The following BANK1 variants were observed in gnomAD, a reference collection of about 807,000 sequenced individuals.
BANK1 encodes the protein B cell scaffold protein with ankyrin repeats 1, also known as B-cell scaffold protein with ankyrin repeats.
BANK1 carries 95 observed loss-of-function variants against 94.5 expected under a neutral mutation model. The ratio of observed to expected loss-of-function variants is 1.00; its 90% CI spans 0.85 to 1.19. The LOEUF (loss-of-function observed/expected upper bound fraction) is 1.19, where lower values mean the gene tolerates loss of function less well. BANK1 is among the 50% of genes most tolerant of loss of function. The probability of loss-of-function intolerance (pLI) is 0.00; values close to 1 mark genes in which losing one functional copy is unlikely to be tolerated. For synonymous variants in BANK1, 334 were observed against 308.4 expected (o/e 1.08, Z -0.87); for missense variants, 987 against 932.2 (o/e 1.06, Z -0.77).
chr4:101,938,101 TA>T (rs1398037990), intron 7 of BANK1, among the ~76,000 whole-genome samples: 1 of 151,206 alleles, frequency 6.6e-6, no homozygotes, highest in Non-Finnish European at 1.5e-5. Context: ...GGTGGGGGTC[TA>T]GGGGAGGGTT....
At chr4:102,047,967 T>C (rs575981981) in intron 11 of BANK1, among the ~76,000 whole-genome samples, 1 of 152,254 alleles carries the variant, frequency 6.6e-6, no homozygotes, top group African/African-American at 2.4e-5. Context: ...AATTATGCAA[T>C]ATTGTATTGA....
chr4:102,060,193 C>A lies in BANK1; in HGVS notation c.1970-18C>A. The A allele has an allele frequency of 1.3e-6, 2 of 1,543,794 alleles. No individual in the cohort carries two copies. The highest frequency in any genetic ancestry group is 2.5e-5 in the South Asian group (2 of 78,826). ...ACACCTGGACTTTCTGTTAATGCAC[C>A]CTCCCCTTGTATTTTAGACAGAGCT... On this transcript the variant is annotated intron_variant, in intron 11 of 16. Transcript: ENST00000322953.
intron 1 of BANK1, among the ~76,000 whole-genome samples, chr4:101,808,487 TTG>T (rs1363700952): frequency 6.6e-6 from 1 of 152,058 alleles, no homozygotes; most frequent in Non-Finnish European, 1.5e-5. Flanking sequence ...GCTAGAAAAA[TTG>T]TGTCTTTAAT....
chr4:101,814,463 C>CT (rs1485680108), intron 1 of BANK1, among the ~76,000 whole-genome samples: 1 of 152,126 alleles, frequency 6.6e-6, no homozygotes. Context: ...ACAGAGTTTT[C>CT]TTTTTCTCGG....
intron 4 of BANK1, among the ~76,000 whole-genome samples, chr4:101,867,228 A>G (rs1307374215): frequency 6.6e-6 from 1 of 151,834 alleles, no homozygotes; most frequent in Non-Finnish European, 1.5e-5. Context: ...CAGAAACCAC[A>G]CAAGCAAGAA....
intron 7 of BANK1, among the ~76,000 whole-genome samples, chr4:102,014,869 C>T (rs1433045388): frequency 6.6e-6 from 1 of 152,070 alleles, no homozygotes; most frequent in Admixed American, 6.6e-5. Context: ...CTCTTAATAT[C>T]TTATTCAAGG....
At chr4:102,017,741 A>G (rs748038849) in intron 7 of BANK1, among the ~76,000 whole-genome samples, 5 of 152,240 alleles carry the variant, frequency 3.3e-5, no homozygotes, top group Non-Finnish European at 5.9e-5. Context: ...GACTTTGTTC[A>G]CCTGATCACA....
chr4:101,864,252 A>G (rs977751500), intron 4 of BANK1, among the ~76,000 whole-genome samples: 2 of 152,174 alleles, frequency 1.3e-5, no homozygotes. Flanking sequence ...CAAGATGGTT[A>G]CCTGAACCTG....
intron 10 of BANK1, among the ~76,000 whole-genome samples, chr4:102,034,308 T>C (rs1458188700): frequency 6.6e-6 from 1 of 152,198 alleles, no homozygotes; most frequent in East Asian, 1.9e-4. Context: ...AGGAAAACCA[T>C]GCTGGCTTTG....
intron 7 of BANK1, among the ~76,000 whole-genome samples, chr4:101,919,328 C>T (rs926133611): frequency 1.3e-4 from 19 of 151,862 alleles, no homozygotes; most frequent in Non-Finnish European, 2.6e-4. Context: ...AAAATAATCC[C>T]TGATTTTCAA....
chr4:101,872,535 C>T (rs1282538832), intron 5 of BANK1, among the ~76,000 whole-genome samples: 2 of 152,172 alleles, frequency 1.3e-5, no homozygotes, highest in Non-Finnish European at 2.9e-5. Context: ...AAAGCACTTT[C>T]TACCCCTGAG....
intron 6 of BANK1, among the ~76,000 whole-genome samples, chr4:101,907,671 C>A (rs1428714361): frequency 1.3e-5 from 2 of 152,090 alleles, no homozygotes; most frequent in East Asian, 1.9e-4. Flanking sequence ...ATCTCAGCCC[C>A]AAATCTCCTT....
At chr4:101,963,787 G>A (rs1724651539) in intron 7 of BANK1, among the ~76,000 whole-genome samples, 1 of 151,984 alleles carries the variant, frequency 6.6e-6, no homozygotes. Flanking sequence ...TCTCGCACCT[G>A]GTACTCAATT....
chr4:101,871,607 A>G (rs1039442127), intron 5 of BANK1, among the ~76,000 whole-genome samples: 1 of 152,176 alleles, frequency 6.6e-6, no homozygotes, highest in African/African-American at 2.4e-5. Flanking sequence ...TAGTGAAATA[A>G]CATTTGTCAA....
chr4:102,041,650 T>C (rs928412643), intron 10 of BANK1, among the ~76,000 whole-genome samples: 2 of 151,972 alleles, frequency 1.3e-5, no homozygotes, highest in Non-Finnish European at 2.9e-5. Flanking sequence ...CACGTCTGCT[T>C]TTAAAGAGTC....
intron 7 of BANK1, among the ~76,000 whole-genome samples, chr4:101,944,885 A>G (rs1317290804): frequency 6.6e-6 from 1 of 152,000 alleles, no homozygotes; most frequent in Non-Finnish European, 1.5e-5. Context: ...TGCATTCCAA[A>G]GACCTGATGC....
At chr4:102,071,890 AAGCCATAGAACTG>A (rs1443519048) in intron 14 of BANK1, among the ~76,000 whole-genome samples, 2 of 152,202 alleles carry the variant, frequency 1.3e-5, no homozygotes, top group Admixed American at 1.3e-4. Flanking sequence ...GAGAATGAAG[AAGCCATAGAACTG>A]AGCCCTGTGG....
At chr4:101,800,767 A>G (rs2148850184) in intron 1 of BANK1, among the ~76,000 whole-genome samples, 1 of 152,178 alleles carries the variant, frequency 6.6e-6, no homozygotes, top group South Asian at 2.1e-4. Context: ...AAATTTTTCA[A>G]ATTTTTTGAG....
intron 7 of BANK1, among the ~76,000 whole-genome samples, chr4:102,001,226 C>G (rs1456358296): frequency 6.6e-6 from 1 of 152,172 alleles, no homozygotes; most frequent in African/African-American, 2.4e-5. Flanking sequence ...GTAATTTGAG[C>G]AAAATCTTAG....
Sources: gnomAD v4.1 joint callset for allele counts (sites outside exome capture counted in the v4.1 genomes callset) on GRCh38, gnomAD v4.1.1 for gene constraint, MANE v1.5 for transcripts, NCBI Gene and HGNC (gene_info 2026-07-23, HGNC 2026-07-21) for gene names.